Variants in EML1 observed in about 807,000 individuals in gnomAD.
The protein encoded by EML1 is EMAP like 1, also known as echinoderm microtubule-associated protein-like 1.
EML1 carries 27 observed loss-of-function variants against 110.4 expected under a neutral mutation model. The ratio of observed to expected loss-of-function variants is 0.24; its 90% CI spans 0.18 to 0.34. The LOEUF is 0.34. EML1 is among the 10% of genes least tolerant of loss of function. The pLI is 1.00. For synonymous variants in EML1, 344 were observed against 385.8 expected, an observed-to-expected ratio of 0.89 and a Z score of 1.27; for missense variants, 741 against 1,030.9, an observed-to-expected ratio of 0.72 and a Z score of 3.85.
intron 3 of EML1, among the ~76,000 whole-genome samples, chr14:99,867,655 T>G (rs1412909986): frequency 7.2e-6 from 1 of 139,798 alleles, no homozygotes; most frequent in Admixed American, 6.9e-5. Flanking sequence ...GCATCTGATT[T>G]TTGTGTGTTG....
At chr14:99,906,073 G>T (rs2059840920) in intron 9 of EML1, among the ~76,000 whole-genome samples, 1 of 152,136 alleles carries the variant, frequency 6.6e-6, no homozygotes, top group South Asian at 2.1e-4. Context: ...TGGATTGGAG[G>T]TTTCCTCAGT....
Position 99,940,205 on chromosome 14 carries a change from T to C in EML1, c.*93T>C, listed in dbSNP as rs1206723245. On this transcript the variant is annotated 3_prime_UTR_variant, in exon 22 of 22. Transcript: ENST00000262233. ...TGTGATTTCTGTTTTGTTTAAAAAA[T>C]TCTTACAAACCTCAGGAAAACTGTG... The C allele has an allele frequency of 1.2e-5, 16 of 1,357,518 alleles. No homozygotes were observed. Among genetic ancestry groups the C allele is most frequent in the Non-Finnish European group, 1.4e-5 (15 of 1,055,028 alleles). 84.1% of individuals were successfully genotyped at this position (1,357,518 alleles called of 1,614,324 possible).
upstream of EML1, among the ~76,000 whole-genome samples, chr14:99,791,482 T>G (rs1431805972): frequency 6.6e-6 from 1 of 152,238 alleles, no homozygotes; most frequent in African/African-American, 2.4e-5. Context: ...TTCTCTTCTT[T>G]AGAGACTTCA....
At chr14:99,748,878 T>C (rs943190811) in intron 1 of EML1, among the ~76,000 whole-genome samples, 1 of 152,174 alleles carries the variant, frequency 6.6e-6, no homozygotes, top group Non-Finnish European at 1.5e-5. Flanking sequence ...TAGATTTGCG[T>C]ATTCTGCATT....
chr14:99,748,427 C>CTTTTTT (rs762393185), intron 1 of EML1, among the ~76,000 whole-genome samples: 1 of 146,974 alleles, frequency 6.8e-6, no homozygotes. Flanking sequence ...GCTTTGTTAT[C>CTTTTTT]TTTTTTTTTT....
intron 4 of EML1, among the ~76,000 whole-genome samples, chr14:99,881,220 A>G (rs182137399): frequency 6.6e-6 from 1 of 152,246 alleles, no homozygotes; most frequent in Admixed American, 6.5e-5. Flanking sequence ...CGTCATAGGG[A>G]TGGCTTCCAC....
intron 1 of EML1, among the ~76,000 whole-genome samples, chr14:99,845,135 G>A (rs991754664): frequency 6.6e-6 from 1 of 152,180 alleles, no homozygotes; most frequent in Non-Finnish European, 1.5e-5. Context: ...AGCAGTGGGG[G>A]AGAGTGTGTT....
At chr14:99,793,358 C>T (rs1225509282), upstream of EML1, 6 of 988,234 alleles carry the variant, frequency 6.1e-6, no homozygotes, top group African/African-American at 1.8e-5. Flanking sequence ...GCAGCAGCAG[C>T]CGCCACAGCA....
intron 10 of EML1, among the ~76,000 whole-genome samples, chr14:99,909,143 G>T (rs1056776095): frequency 6.6e-6 from 1 of 152,196 alleles, no homozygotes; most frequent in African/African-American, 2.4e-5. Flanking sequence ...CAGTGGGGGA[G>T]ACAGACAAGG....
intron 1 of EML1, among the ~76,000 whole-genome samples, chr14:99,803,217 C>T (rs1301859741): frequency 6.6e-6 from 1 of 152,192 alleles, no homozygotes; most frequent in African/African-American, 2.4e-5. Context: ...TCTTATAGCA[C>T]CTCCTCAAAC....
At chr14:99,898,555 C>A (rs2059708719) in intron 8 of EML1, among the ~76,000 whole-genome samples, 1 of 152,152 alleles carries the variant, frequency 6.6e-6, no homozygotes, top group African/African-American at 2.4e-5. Context: ...AAGTTTGAGA[C>A]CAGCCTAGCC....
chr14:99,870,631 A>G (rs1427116619), intron 3 of EML1, among the ~76,000 whole-genome samples: 1 of 152,190 alleles, frequency 6.6e-6, no homozygotes, highest in Non-Finnish European at 1.5e-5. Context: ...AATTGGAGCT[A>G]GTGTTCATTT....
intron 1 of EML1, among the ~76,000 whole-genome samples, chr14:99,833,183 A>G (rs572360502): frequency 5.9e-5 from 9 of 152,282 alleles, no homozygotes; most frequent in South Asian, 2.1e-4. Flanking sequence ...ATTTTTGCAT[A>G]TGGTGCAATG....
intron 1 of EML1, among the ~76,000 whole-genome samples, chr14:99,806,140 C>T (rs753917994): frequency 6.6e-6 from 1 of 152,066 alleles, no homozygotes; most frequent in Non-Finnish European, 1.5e-5. Context: ...GTTACAGAAT[C>T]CTAAACTGAA....
chr14:99,826,506 A>G (rs182115582), intron 1 of EML1, among the ~76,000 whole-genome samples: 18 of 152,142 alleles, frequency 1.2e-4, no homozygotes, highest in Admixed American at 3.9e-4. Flanking sequence ...AGTCTTGCCA[A>G]CTCACTCCTC....
chr14:99,832,051 G>GC (rs921823480), intron 1 of EML1, among the ~76,000 whole-genome samples: 1 of 151,770 alleles, frequency 6.6e-6, no homozygotes, highest in Non-Finnish European at 1.5e-5. Context: ...AGCCCTCCCT[G>GC]CCCCCCTCCA....
At chr14:99,919,703 C>T (rs996887735) in intron 16 of EML1, among the ~76,000 whole-genome samples, 5 of 152,244 alleles carry the variant, frequency 3.3e-5, no homozygotes, top group African/African-American at 9.6e-5. Flanking sequence ...GCTTAGCTCC[C>T]GATGCTGTTG....
chr14:99,776,114 G>C (rs1440141890), intron 1 of EML1, among the ~76,000 whole-genome samples: 1 of 152,166 alleles, frequency 6.6e-6, no homozygotes, highest in Admixed American at 6.5e-5. Flanking sequence ...GCCATTCCTA[G>C]ATTAAATATA....
intron 7 of EML1, among the ~76,000 whole-genome samples, 192 bp from the exon 8 acceptor site, chr14:99,898,041 G>A (rs974932082): frequency 3.9e-5 from 6 of 152,162 alleles, no homozygotes; most frequent in Non-Finnish European, 7.3e-5. Context: ...GAAGAAATAA[G>A]GGAATTAAGA....
Sources: gnomAD v4.1 joint callset for allele counts (sites outside exome capture counted in the v4.1 genomes callset) on GRCh38, gnomAD v4.1.1 for gene constraint, MANE v1.5 for transcripts, NCBI Gene and HGNC (gene_info 2026-07-23, HGNC 2026-07-21) for gene names.